The following ARHGAP15 variants were observed in gnomAD, a reference collection of about 807,000 sequenced individuals.
ARHGAP15 encodes Rho GTPase activating protein 15.
A neutral mutation model predicts 63.7 loss-of-function variants in ARHGAP15; 51 were observed. That is an observed-to-expected ratio of 0.80 (90% CI 0.64 to 1.01). The LOEUF (loss-of-function observed/expected upper bound fraction) is 1.01. ARHGAP15 is among the 50% of genes least tolerant of loss of function. The pLI is 0.00. For synonymous variants in ARHGAP15, 191 were observed against 193.8 expected, an observed-to-expected ratio of 0.99 and a Z score of 0.12; for missense variants, 560 against 564.6, an observed-to-expected ratio of 0.99 and a Z score of 0.08.
chr2:143,377,691 T>G (rs573118683), intron 6 of ARHGAP15, among the ~76,000 whole-genome samples: 3 of 152,114 alleles, frequency 2.0e-5, no homozygotes, highest in African/African-American at 7.2e-5. Flanking sequence ...TGAGTTGGAG[T>G]TTTGTAATTA....
chr2:143,696,029 C>T (rs1683830033), intron 12 of ARHGAP15, among the ~76,000 whole-genome samples: 1 of 152,104 alleles, frequency 6.6e-6, no homozygotes, highest in African/African-American at 2.4e-5. Flanking sequence ...AGAAGTTAAG[C>T]ATAATAATTT....
intron 6 of ARHGAP15, among the ~76,000 whole-genome samples, chr2:143,427,163 G>A (rs1689170329): frequency 6.6e-6 from 1 of 152,028 alleles, no homozygotes; most frequent in South Asian, 2.1e-4. Context: ...CATAATCATG[G>A]CCAAATATGT....
At chr2:143,459,418 T>C (rs928422469) in intron 8 of ARHGAP15, among the ~76,000 whole-genome samples, 16 of 152,112 alleles carry the variant, frequency 1.1e-4, no homozygotes, top group African/African-American at 3.4e-4. Context: ...ATTAGCTCTA[T>C]CATTTAAAAA....
At chr2:143,693,328 C>T (rs1013942912) in intron 12 of ARHGAP15, among the ~76,000 whole-genome samples, 1 of 152,130 alleles carries the variant, frequency 6.6e-6, no homozygotes, top group African/African-American at 2.4e-5. Flanking sequence ...CCACAAAGTC[C>T]CGTTTGTGAT....
intron 11 of ARHGAP15, among the ~76,000 whole-genome samples, chr2:143,618,604 A>G (rs1171489639): frequency 6.6e-6 from 1 of 152,258 alleles, no homozygotes; most frequent in Non-Finnish European, 1.5e-5. Context: ...AAGTGCTATG[A>G]AAACTATTAC....
In ARHGAP15 at chr2:143,149,538, T is replaced by C. The variant is rs545978170; in HGVS notation, c.-14-5939T>C. 5.3e-5 allele frequency among the ~76,000 whole-genome samples: 8 copies of C among 152,156 alleles called. No individual in the cohort carries two copies. The South Asian group carries it at 1.7e-3, about 32-fold the overall frequency. Reference sequence around the variant, plus strand: ...TAAGATTGTGATAAATTTGATCTTTTTTTAATGAGAAGAAGATACAGGGCT... The same window carrying C: ...TAAGATTGTGATAAATTTGATCTTTCTTTAATGAGAAGAAGATACAGGGCT... On this transcript the variant is annotated intron_variant, in intron 1 of 13. Coordinates refer to ENST00000295095, the MANE Select transcript of ARHGAP15 (RefSeq NM_018460.4).
chr2:143,450,382 C>T (rs949704063), intron 8 of ARHGAP15, among the ~76,000 whole-genome samples: 2 of 151,758 alleles, frequency 1.3e-5, no homozygotes, highest in African/African-American at 2.4e-5. Flanking sequence ...CTCACTTAAT[C>T]TTTACAATTA....
chr2:143,702,351 C>T (rs565243653), intron 12 of ARHGAP15, among the ~76,000 whole-genome samples: 2 of 152,208 alleles, frequency 1.3e-5, no homozygotes, highest in East Asian at 3.9e-4. Flanking sequence ...ATGTGGTATG[C>T]AGTTTTGAAC....
At chr2:143,496,964 C>T (rs1239714606) in intron 9 of ARHGAP15, among the ~76,000 whole-genome samples, 1 of 152,046 alleles carries the variant, frequency 6.6e-6, no homozygotes, top group African/African-American at 2.4e-5. Flanking sequence ...TCTGGCATGC[C>T]CTATAGGGTT....
intron 2 of ARHGAP15, among the ~76,000 whole-genome samples, chr2:143,186,028 C>T (rs1691435124): frequency 6.6e-6 from 1 of 152,110 alleles, no homozygotes; most frequent in South Asian, 2.1e-4. Flanking sequence ...ATAACTTTAC[C>T]ATTAAGCTTC....
chr2:143,728,739 C>T (rs556845018), intron 13 of ARHGAP15, among the ~76,000 whole-genome samples: 1 of 152,266 alleles, frequency 6.6e-6, no homozygotes, highest in South Asian at 2.1e-4. Context: ...CCGAGCCCCA[C>T]CCCGCCTTCA....
At chr2:143,423,512 G>A (rs1689017552) in intron 6 of ARHGAP15, among the ~76,000 whole-genome samples, 1 of 152,156 alleles carries the variant, frequency 6.6e-6, no homozygotes, top group African/African-American at 2.4e-5. Context: ...GGAGCTTAAT[G>A]TGTAGAAAGG....
At chr2:143,598,926 T>C (rs1465264951) in intron 11 of ARHGAP15, among the ~76,000 whole-genome samples, 3 of 150,156 alleles carry the variant, frequency 2.0e-5, no homozygotes, top group African/African-American at 7.3e-5. Flanking sequence ...AAAAATAAGT[T>C]GGTTTTTTTT....
chr2:143,231,938 T>C (rs1693460394), intron 5 of ARHGAP15, among the ~76,000 whole-genome samples: 1 of 152,322 alleles, frequency 6.6e-6, no homozygotes, highest in East Asian at 1.9e-4. Flanking sequence ...TCCACCTTTA[T>C]GATCTAATTA....
chr2:143,179,891 CA>C lies in ARHGAP15; in HGVS notation c.166-22231del, dbSNP rs77160479. Among the ~76,000 whole-genome samples, 978 of 142,712 alleles carry C rather than the reference CA, an allele frequency of 6.9e-3. 15 individuals are homozygous for C. The highest frequency in any genetic ancestry group is 0.022 in the African/African-American group (868 of 38,626). The allele number at this position is 142,712 out of a possible 152,430, so 93.6% of individuals were successfully genotyped here. A position where few individuals can be genotyped will look rare whatever the true frequency, so the allele number is the denominator to read the frequency against. On this transcript the variant is annotated intron_variant, in intron 2 of 13. Coordinates refer to ENST00000295095, the MANE Select transcript of ARHGAP15 (RefSeq NM_018460.4). ...TGGGAGATAAAGTGAGACATTGTCT[CA>C]AAAAAAAAAAATGCATACCTTAATT...
chr2:143,320,570 G>T (rs762494775), intron 6 of ARHGAP15, among the ~76,000 whole-genome samples: 1 of 151,990 alleles, frequency 6.6e-6, no homozygotes, highest in African/African-American at 2.4e-5. Flanking sequence ...AAAGCGGGAC[G>T]CTACAATCTA....
chr2:143,482,663 T>C (rs1160241243), intron 8 of ARHGAP15, among the ~76,000 whole-genome samples: 1 of 152,242 alleles, frequency 6.6e-6, no homozygotes. Context: ...GCGTAAACTG[T>C]TTTATAAGTT....
At chr2:143,673,180 G>A (rs546972429) in intron 12 of ARHGAP15, among the ~76,000 whole-genome samples, 21 of 152,134 alleles carry the variant, frequency 1.4e-4, no homozygotes, top group Non-Finnish European at 2.1e-4. Context: ...CATATACAGC[G>A]TTTGAGATTA....
chr2:143,527,404 T>TA (rs1311185426), intron 10 of ARHGAP15, among the ~76,000 whole-genome samples: 2 of 152,014 alleles, frequency 1.3e-5, no homozygotes, highest in Non-Finnish European at 2.9e-5. Context: ...GGGTTCAAAA[T>TA]AATCATTTAT....
Sources: gnomAD v4.1 joint callset for allele counts (sites outside exome capture counted in the v4.1 genomes callset) on GRCh38, gnomAD v4.1.1 for gene constraint, MANE v1.5 for transcripts, NCBI Gene and HGNC (gene_info 2026-07-23, HGNC 2026-07-21) for gene names.